The following NR1H4 variants were observed in gnomAD, a reference collection of about 807,000 sequenced individuals.
The protein encoded by NR1H4 is nuclear receptor subfamily 1 group H member 4.
In NR1H4, 23 loss-of-function variants were observed where a neutral mutation model predicts 58.5. The ratio of observed to expected loss-of-function variants is 0.39; its 90% CI spans 0.28 to 0.56. NR1H4 has a LOEUF of 0.56. Among genes scored for constraint, NR1H4 ranks in the 20% least tolerant of loss-of-function variants. The probability of loss-of-function intolerance (pLI) is 0.58; values close to 1 mark genes in which losing one functional copy is unlikely to be tolerated. For missense variants in NR1H4, 487 were observed against 576.9 expected (o/e 0.84, Z 1.60); for synonymous variants, 214 against 198.0 (o/e 1.08, Z -0.68).
At chr12:100,515,937 A>G (rs919916994) in intron 4 of NR1H4, among the ~76,000 whole-genome samples, 2 of 152,236 alleles carry the variant, frequency 1.3e-5, no homozygotes, top group Non-Finnish European at 2.9e-5. Flanking sequence ...AATTTATAGA[A>G]TGTGGGGTTT....
At chr12:100,529,843 C>A (rs1012454721) in intron 4 of NR1H4, among the ~76,000 whole-genome samples, 1 of 152,138 alleles carries the variant, frequency 6.6e-6, no homozygotes, top group Admixed American at 6.5e-5. Flanking sequence ...TTATACTTAT[C>A]TTGCTAGAAC....
chr12:100,522,312 A>G (rs1954445410), intron 4 of NR1H4, among the ~76,000 whole-genome samples: 1 of 152,140 alleles, frequency 6.6e-6, no homozygotes, highest in Non-Finnish European at 1.5e-5. Context: ...GAGGCTTTAT[A>G]TGTACTAATT....
chr12:100,480,734 G>T (rs994576822), intron 1 of NR1H4, among the ~76,000 whole-genome samples: 4 of 152,138 alleles, frequency 2.6e-5, no homozygotes, highest in African/African-American at 7.2e-5. Context: ...AAGCTTAGTG[G>T]CATAAAACAG....
chr12:100,556,481 A>C (rs947888762), intron 9 of NR1H4, among the ~76,000 whole-genome samples: 26 of 151,324 alleles, frequency 1.7e-4, no homozygotes, highest in African/African-American at 6.0e-4. Context: ...GAAAAAAAAA[A>C]CAAAAAACAA....
intron 1 of NR1H4, among the ~76,000 whole-genome samples, chr12:100,486,260 T>G (rs183897637): frequency 4.6e-5 from 7 of 152,328 alleles, no homozygotes; most frequent in African/African-American, 1.4e-4. Context: ...TTTCTGCATA[T>G]GTAAAACATT....
At chr12:100,494,496 G>A (rs942373279) in intron 3 of NR1H4, among the ~76,000 whole-genome samples, 1 of 152,178 alleles carries the variant, frequency 6.6e-6, no homozygotes, top group Non-Finnish European at 1.5e-5. Flanking sequence ...AGAAAAAGAG[G>A]TTTATGGAAA....
chr12:100,474,533 G>T (rs930157029), intron 1 of NR1H4, among the ~76,000 whole-genome samples: 15 of 152,080 alleles, frequency 9.9e-5, no homozygotes, highest in Non-Finnish European at 8.8e-5. Flanking sequence ...AAGAAGAGTA[G>T]GTGGAAAAAG....
At chr12:100,543,617 G>A (rs970619458) in intron 9 of NR1H4, among the ~76,000 whole-genome samples, 4 of 151,682 alleles carry the variant, frequency 2.6e-5, no homozygotes, top group African/African-American at 9.7e-5. Flanking sequence ...GTTGAATCAG[G>A]TAACCTCCAA....
At chr12:100,510,613 A>G (rs1049181392) in intron 3 of NR1H4, among the ~76,000 whole-genome samples, 165 bp from the exon 4 acceptor site, 2 of 135,080 alleles carry the variant, frequency 1.5e-5, no homozygotes, top group Non-Finnish European at 3.0e-5. Context: ...AATTTTATAT[A>G]TATATATATA....
At chr12:100,536,850 A>C (rs767731979) in intron 7 of NR1H4, 98 bp from the exon 8 acceptor site, 4 of 799,148 alleles carry the variant, frequency 5.0e-6, no homozygotes, top group Non-Finnish European at 8.1e-6. Context: ...GGGTTTTCAA[A>C]TTTTATCATC....
At chr12:100,495,418 C>T (rs1444873519) in intron 3 of NR1H4, among the ~76,000 whole-genome samples, 1 of 152,140 alleles carries the variant, frequency 6.6e-6, no homozygotes, top group South Asian at 2.1e-4. Context: ...CCCCTAGGCC[C>T]TCAGTCTCAC....
chr12:100,531,807 G>A (rs969578329), intron 4 of NR1H4, among the ~76,000 whole-genome samples: 4 of 152,082 alleles, frequency 2.6e-5, no homozygotes, highest in Admixed American at 1.3e-4. Context: ...ATACCTTCTC[G>A]GGGGAGATGG....
chr12:100,552,064 AC>A (rs1955215613), intron 9 of NR1H4, among the ~76,000 whole-genome samples: 1 of 152,188 alleles, frequency 6.6e-6, no homozygotes, highest in South Asian at 2.1e-4. Context: ...CAGAGAGTTA[AC>A]TGTATCTGCT....
intron 4 of NR1H4, among the ~76,000 whole-genome samples, chr12:100,518,788 CTTTTTTTTT>C (rs34055370): frequency 2.1e-4 from 25 of 119,274 alleles, no homozygotes; most frequent in African/African-American, 5.1e-4. Flanking sequence ...TGACCAATGA[CTTTTTTTTT>C]TTTTTTTTTT....
chr12:100,484,579 A>C (rs1953450434), intron 1 of NR1H4, among the ~76,000 whole-genome samples: 1 of 152,172 alleles, frequency 6.6e-6, no homozygotes, highest in African/African-American at 2.4e-5. Context: ...ACCAATACCC[A>C]AGGTTTAAAC....
chr12:100,557,240 G>A (rs547246437), intron 9 of NR1H4, among the ~76,000 whole-genome samples: 66 of 145,702 alleles, frequency 4.5e-4, no homozygotes, highest in African/African-American at 1.6e-3. Context: ...TACTCATGGT[G>A]GAAGGTGAAG....
At chr12:100,499,732 C>A in intron 3 of NR1H4, 1 of 405,050 alleles carries the variant, frequency 2.5e-6, no homozygotes, top group Admixed American at 2.9e-5. Flanking sequence ...AATCATATTG[C>A]AAATATATTA....
intron 8 of NR1H4, among the ~76,000 whole-genome samples, chr12:100,538,131 A>G (rs1954855372): frequency 6.6e-6 from 1 of 152,152 alleles, no homozygotes; most frequent in Non-Finnish European, 1.5e-5. Context: ...TTAGACAATA[A>G]GGTAAGTTGG....
At chr12:100,532,782 C>T (rs1475312922) in intron 5 of NR1H4, among the ~76,000 whole-genome samples, 172 bp downstream of exon 5, 1 of 152,124 alleles carries the variant, frequency 6.6e-6, no homozygotes, top group Non-Finnish European at 1.5e-5. Flanking sequence ...AACTAAAGAG[C>T]ATTTTAGTCA....
Sources: gnomAD v4.1 joint callset for allele counts (sites outside exome capture counted in the v4.1 genomes callset) on GRCh38, gnomAD v4.1.1 for gene constraint, MANE v1.5 for transcripts, NCBI Gene and HGNC (gene_info 2026-07-23, HGNC 2026-07-21) for gene names.